FARS2: variants seen among roughly 807,000 people sequenced by gnomAD.
The protein encoded by FARS2 is phenylalanine--tRNA ligase, mitochondrial.
Under a neutral mutation model 46.4 loss-of-function variants are expected in FARS2, and 40 were observed. The observed-to-expected ratio is 0.86, with a 90% CI of 0.67 to 1.12. FARS2 has a LOEUF of 1.12. FARS2 is among the 50% of genes most tolerant of loss of function. FARS2 has a pLI of 0.00. For synonymous variants in FARS2, 234 were observed against 214.9 expected, an observed-to-expected ratio of 1.09 and a Z score of -0.78; for missense variants, 513 against 567.9, an observed-to-expected ratio of 0.90 and a Z score of 0.98.
Position 5,771,553 on chromosome 6 carries a change from T to A in FARS2, c.*124T>A, listed in dbSNP as rs1763050462. The A allele has an allele frequency of 1.9e-6, 2 of 1,061,836 alleles. No homozygotes were observed. Among genetic ancestry groups the A allele is most frequent in the South Asian group, 3.4e-5 (2 of 58,752 alleles). 65.8% of individuals were successfully genotyped at this position (1,061,836 alleles called of 1,614,324 possible). A position where few individuals can be genotyped will look rare whatever the true frequency, so the allele number is the denominator to read the frequency against. On this transcript the variant is annotated 3_prime_UTR_variant, in exon 7 of 7. Coordinates refer to ENST00000274680, the MANE Select transcript of FARS2 (RefSeq NM_006567.5). ...GATAAATGGATCAGTTTTAGGACTTTCAGAAAATAAAAGATCGCTCTTGAA... is the reference window on the plus strand; with the variant it reads ...GATAAATGGATCAGTTTTAGGACTTACAGAAAATAAAAGATCGCTCTTGAA...
intron 1 of FARS2, among the ~76,000 whole-genome samples, chr6:5,363,396 C>G (rs1758444488): frequency 6.6e-6 from 1 of 152,114 alleles, no homozygotes; most frequent in South Asian, 2.1e-4. Context: ...ACTGCCCCTT[C>G]CAAAGAGGCA....
At chr6:5,453,464 G>A (rs1562051751) in intron 4 of FARS2, among the ~76,000 whole-genome samples, 1 of 152,132 alleles carries the variant, frequency 6.6e-6, no homozygotes, top group Admixed American at 6.5e-5. Flanking sequence ...ATTCTTGACC[G>A]AGAAAACTGA....
intron 6 of FARS2, among the ~76,000 whole-genome samples, chr6:5,689,005 T>G (rs2150855935): frequency 6.6e-6 from 1 of 152,374 alleles, no homozygotes; most frequent in South Asian, 2.1e-4. Flanking sequence ...GTTTATAGTA[T>G]TCTCTGATGG....
chr6:5,745,187 C>T (rs371773317), intron 6 of FARS2, among the ~76,000 whole-genome samples: 6 of 152,240 alleles, frequency 3.9e-5, no homozygotes, highest in African/African-American at 1.4e-4. Flanking sequence ...TCTCATGATG[C>T]CCAATTCTCA....
chr6:5,328,002 C>A (rs540917087), intron 1 of FARS2, among the ~76,000 whole-genome samples: 4 of 152,078 alleles, frequency 2.6e-5, no homozygotes, highest in Non-Finnish European at 4.4e-5. Flanking sequence ...GAAATTTTAC[C>A]CCTTCATAGG....
At chr6:5,340,830 CTTGACAGGGAATAGA>C (rs1381993335) in intron 1 of FARS2, among the ~76,000 whole-genome samples, 2 of 151,774 alleles carry the variant, frequency 1.3e-5, no homozygotes, top group Non-Finnish European at 2.9e-5. Context: ...TGCCTGGGGG[CTTGACAGGGAATAGA>C]AGACACAAAA....
At chr6:5,265,824 C>T (rs1561918158) in intron 1 of FARS2, among the ~76,000 whole-genome samples, 1 of 152,170 alleles carries the variant, frequency 6.6e-6, no homozygotes, top group African/African-American at 2.4e-5. Context: ...GCTGCTGAAG[C>T]GTTGTGGGGT....
chr6:5,547,144 G>T (rs1433879448), intron 5 of FARS2, among the ~76,000 whole-genome samples: 1 of 151,868 alleles, frequency 6.6e-6, no homozygotes, highest in Non-Finnish European at 1.5e-5. Context: ...TAGATACAGG[G>T]TTTCACCATG....
At position 5,320,102 on chromosome 6, in the gene FARS2, A is replaced by G. The variant is rs148176650; in HGVS notation, c.-21-48448A>G. Among the ~76,000 whole-genome samples the G allele has an allele frequency of 5.9e-5, 9 of 152,292 alleles. No individual in the cohort carries two copies. The East Asian group carries it at 1.7e-3, about 29-fold the overall frequency. Reference sequence around the variant, plus strand: ...AGGTCAAGTTGGTGCAGGAAATGCAAATGTCCATCGTGACTCTAAAAAGGA... The same window carrying G: ...AGGTCAAGTTGGTGCAGGAAATGCAGATGTCCATCGTGACTCTAAAAAGGA... On this transcript the variant is annotated intron_variant, in intron 1 of 6. Coordinates refer to ENST00000274680, the MANE Select transcript of FARS2 (RefSeq NM_006567.5).
chr6:5,293,508 A>G (rs560420287), intron 1 of FARS2, among the ~76,000 whole-genome samples: 35 of 152,298 alleles, frequency 2.3e-4, no homozygotes, highest in African/African-American at 8.4e-4. Context: ...TAAAACCACA[A>G]CACTGGGCCA....
chr6:5,411,478 C>CTATAATTAGTGATGAATGGG, intron 3 of FARS2, among the ~76,000 whole-genome samples: 1 of 152,158 alleles, frequency 6.6e-6, no homozygotes, highest in African/African-American at 2.4e-5. Context: ...ACTTAAGGTT[C>CTATAATTAGTGATGAATGGG]ACTCTTTCTA....
intron 3 of FARS2, among the ~76,000 whole-genome samples, chr6:5,416,158 A>C (rs1762227045): frequency 6.6e-6 from 1 of 152,144 alleles, no homozygotes; most frequent in Non-Finnish European, 1.5e-5. Context: ...CCAGTTAACC[A>C]ATTTTTTTCT....
At chr6:5,655,993 T>G (rs1204617135) in intron 6 of FARS2, among the ~76,000 whole-genome samples, 1 of 152,242 alleles carries the variant, frequency 6.6e-6, no homozygotes, top group East Asian at 1.9e-4. Context: ...AAATTGTCTT[T>G]GCAGTGATTG....
At position 5,471,203 on chromosome 6, in the gene FARS2, A is replaced by G. The variant is rs1416132518; in HGVS notation, c.904+40031A>G. Among the ~76,000 whole-genome samples, 2 of 152,184 alleles carry G rather than the reference A, an allele frequency of 1.3e-5. No homozygotes were observed. The highest frequency in any genetic ancestry group is 2.9e-5 in the Non-Finnish European group (2 of 68,026). The stretch of plus-strand genomic sequence containing the variant: ...GTGGAGCCTGCACCAAACGTCTTTC[A>G]TTTGAGGAGCTAAAAATGAATTGCA... On this transcript the variant is annotated intron_variant, in intron 4 of 6. Coordinates refer to ENST00000274680, the MANE Select transcript of FARS2 (RefSeq NM_006567.5). This position sits in a 1 kb window ranked among gnomAD's most constrained non-coding sequence, Gnocchi z 4.1.
At chr6:5,408,278 G>T (rs1482506370) in intron 3 of FARS2, among the ~76,000 whole-genome samples, 1 of 152,166 alleles carries the variant, frequency 6.6e-6, no homozygotes, top group Non-Finnish European at 1.5e-5. Flanking sequence ...CTCCTGCTGA[G>T]GCACATGCAC....
intron 1 of FARS2, among the ~76,000 whole-genome samples, chr6:5,272,003 T>C (rs1175348322): frequency 1.3e-5 from 2 of 152,232 alleles, no homozygotes; most frequent in Admixed American, 6.5e-5. Flanking sequence ...GAGTCAACTA[T>C]GTTCTGAAAA....
At chr6:5,427,564 T>A (rs1762921717) in intron 3 of FARS2, among the ~76,000 whole-genome samples, 1 of 151,746 alleles carries the variant, frequency 6.6e-6, no homozygotes, top group Non-Finnish European at 1.5e-5. Flanking sequence ...AACTTCCTGG[T>A]CTCATTAGAC....
chr6:5,523,071 A>C (rs1582345837), intron 4 of FARS2, among the ~76,000 whole-genome samples: 1 of 152,314 alleles, frequency 6.6e-6, no homozygotes, highest in Non-Finnish European at 1.5e-5. Flanking sequence ...CAGCGGAAGT[A>C]AACTTCTAGA....
chr6:5,393,474 G>A (rs1238420658), intron 2 of FARS2, among the ~76,000 whole-genome samples: 1 of 152,012 alleles, frequency 6.6e-6, no homozygotes, highest in African/African-American at 2.4e-5. Context: ...GGCCAACATG[G>A]TGAAACCCCG....
Sources: gnomAD v4.1 joint callset for allele counts (sites outside exome capture counted in the v4.1 genomes callset) on GRCh38, gnomAD v4.1.1 for gene constraint, Gnocchi (gnomAD v3.1) non-coding constraint, MANE v1.5 for transcripts, NCBI Gene and HGNC (gene_info 2026-07-23, HGNC 2026-07-21) for gene names.